The following EFCAB5 variants were observed in gnomAD, a reference collection of about 807,000 sequenced individuals.
The protein encoded by EFCAB5 is EF-hand calcium-binding domain-containing protein 5.
Under a neutral mutation model 167.9 loss-of-function variants are expected in EFCAB5, and 131 were observed. The observed-to-expected ratio is 0.78, with a 90% CI of 0.68 to 0.90. EFCAB5 has a LOEUF of 0.90. EFCAB5 is among the 40% of genes least tolerant of loss of function. The probability of loss-of-function intolerance (pLI) is 0.00; values close to 1 mark genes in which losing one functional copy is unlikely to be tolerated. For missense variants in EFCAB5, 1,663 were observed against 1,745.2 expected, an observed-to-expected ratio of 0.95 and a Z score of 0.84; for synonymous variants, 574 against 602.8, an observed-to-expected ratio of 0.95 and a Z score of 0.70.
chr17:30,025,120 A>G (rs2069283019), intron 7 of EFCAB5, among the ~76,000 whole-genome samples: 1 of 152,136 alleles, frequency 6.6e-6, no homozygotes, highest in Admixed American at 6.5e-5. Context: ...GGACATAGGC[A>G]TGGGCAAGGA....
In EFCAB5 at chr17:29,970,637, G is replaced by GACACACACACACACACAC. The variant is rs34545008; in HGVS notation, c.767+1284_767+1301dup. On this transcript the variant is annotated intron_variant, in intron 4 of 22. Coordinates refer to ENST00000394835, the MANE Select transcript of EFCAB5 (RefSeq NM_198529.4). ...AGAGCGAGATCCAGTCTCAAAAACA[G>GACACACACACACACACAC]ACACACACACACACACACACACACA... 8.4e-4 allele frequency among the ~76,000 whole-genome samples: 117 copies of GACACACACACACACACAC among 138,730 alleles called. 1 individual carries two copies. Among genetic ancestry groups the GACACACACACACACACAC allele is most frequent in the Admixed American group, 8.7e-4 (12 of 13,830 alleles). 91.0% of individuals were successfully genotyped at this position (138,730 alleles called of 152,430 possible).
At chr17:30,015,132 A>C (rs2069002448) in intron 7 of EFCAB5, among the ~76,000 whole-genome samples, 1 of 151,854 alleles carries the variant, frequency 6.6e-6, no homozygotes, top group East Asian at 1.9e-4. Context: ...TGGCCCCCAC[A>C]CTCTTCTGGC....
chr17:30,107,864 G>A lies in EFCAB5; in HGVS notation c.4352G>A (p.Gly1451Asp), dbSNP rs1378664655. 1.3e-6 allele frequency: 2 copies of A among 1,577,222 alleles called. No homozygotes were observed. Among genetic ancestry groups the A allele is most frequent in the East Asian group, 2.4e-5 (1 of 42,460 alleles). The change falls in exon 23 of 23, where the codon GGT becomes GAT. Residue 1451 changes from glycine (G) to aspartate (D), a missense_variant. Gly to Asp is a moderately conservative substitution (Grantham distance 94, BLOSUM62 -1). Coordinates refer to ENST00000394835, the MANE Select transcript of EFCAB5 (RefSeq NM_198529.4). ...DHSRTEVWKFGNVVIEHLYHW... is the reference protein window; with the variant it reads ...DHSRTEVWKFDNVVIEHLYHW... ...TCCCGAACTGAAGTATGGAAATTTG[G>A]TAATGTTGTCATTGAACATCTATAC...
At chr17:29,953,461 A>G (rs1276222308) in intron 3 of EFCAB5, among the ~76,000 whole-genome samples, 1 of 152,180 alleles carries the variant, frequency 6.6e-6, no homozygotes, top group Non-Finnish European at 1.5e-5. Context: ...GATAGTGAGT[A>G]AGTCTTACAA....
At chr17:29,957,613 G>A (rs1332018536) in intron 3 of EFCAB5, among the ~76,000 whole-genome samples, 1 of 152,106 alleles carries the variant, frequency 6.6e-6, no homozygotes. Context: ...GTTTGTTGAG[G>A]ATAATGACTT....
intron 14 of EFCAB5, chr17:30,074,070 G>C (rs2070816182): frequency 6.5e-6 from 1 of 154,082 alleles, no homozygotes; most frequent in African/African-American, 2.4e-5. Flanking sequence ...TTTTTTTACA[G>C]AGTTTAAACT....
chr17:30,021,688 T>C (rs1298293428), intron 7 of EFCAB5, among the ~76,000 whole-genome samples: 2 of 152,056 alleles, frequency 1.3e-5, no homozygotes, highest in Admixed American at 1.3e-4. Flanking sequence ...AGAAAGTATT[T>C]CTTACATAGA....
At chr17:30,066,594 C>T (rs543977548) in intron 14 of EFCAB5, among the ~76,000 whole-genome samples, 48 of 151,982 alleles carry the variant, frequency 3.2e-4, no homozygotes, top group African/African-American at 1.1e-3. Flanking sequence ...AACGATCTAA[C>T]AATGCATCTC....
intron 7 of EFCAB5, among the ~76,000 whole-genome samples, chr17:30,013,293 G>A (rs373820819): frequency 2.0e-5 from 3 of 152,240 alleles, no homozygotes; most frequent in East Asian, 3.9e-4. Context: ...CCAGGCTTTG[G>A]TATCAGGATG....
chr17:30,008,270 CTA>C (rs2068816576), intron 7 of EFCAB5, among the ~76,000 whole-genome samples: 1 of 152,070 alleles, frequency 6.6e-6, no homozygotes, highest in Non-Finnish European at 1.5e-5. Flanking sequence ...GAGATCAAGA[CTA>C]TTTTTTATAT....
At position 30,075,616 on chromosome 17, in the gene EFCAB5, T is replaced by C. The variant is rs115964975; in HGVS notation, c.2738-2599T>C. ...GCATCCATCTCATACGGATACCCTG[T>C]TTGTACTGCTTGGAATCTGACACCC... On this transcript the variant is annotated intron_variant, in intron 14 of 22. Coordinates refer to ENST00000394835, the MANE Select transcript of EFCAB5 (RefSeq NM_198529.4). Among the ~76,000 whole-genome samples the C allele has an allele frequency of 7.3e-3, 1,117 of 152,294 alleles. 20 individuals carry two copies. Among genetic ancestry groups the C allele is most frequent in the African/African-American group, 0.026 (1,061 of 41,562 alleles).
intron 10 of EFCAB5, among the ~76,000 whole-genome samples, chr17:30,055,354 AAG>A (rs2151786113): frequency 6.6e-6 from 1 of 151,292 alleles, no homozygotes; most frequent in African/African-American, 2.4e-5. Flanking sequence ...GGAAGGAAGG[AAG>A]GAAGGAAGGA....
chr17:30,050,547 A>ATATG (rs1444607468), intron 8 of EFCAB5, among the ~76,000 whole-genome samples: 4 of 152,188 alleles, frequency 2.6e-5, no homozygotes, highest in Non-Finnish European at 5.9e-5. Flanking sequence ...CTCTGGCCTC[A>ATATG]GCCTCTGGAG....
intron 7 of EFCAB5, among the ~76,000 whole-genome samples, chr17:30,025,912 C>G (rs1231276218): frequency 6.6e-6 from 1 of 151,716 alleles, no homozygotes; most frequent in African/African-American, 2.4e-5. Flanking sequence ...AGTAAACTAT[C>G]GCAAGGACAA....
At chr17:30,043,122 A>G (rs2069820425) in intron 8 of EFCAB5, among the ~76,000 whole-genome samples, 1 of 152,114 alleles carries the variant, frequency 6.6e-6, no homozygotes, top group Non-Finnish European at 1.5e-5. Flanking sequence ...CATCTCTTAG[A>G]AAAAAAGCTA....
intron 8 of EFCAB5, among the ~76,000 whole-genome samples, chr17:30,039,881 A>C (rs76751077): frequency 1.3e-5 from 2 of 152,136 alleles, no homozygotes; most frequent in African/African-American, 4.8e-5. Context: ...CCTTTTCCCA[A>C]ATCTATGAAA....
chr17:29,990,493 T>C (rs976652690), intron 4 of EFCAB5, among the ~76,000 whole-genome samples: 3 of 152,178 alleles, frequency 2.0e-5, no homozygotes, highest in African/African-American at 7.2e-5. Flanking sequence ...AATTTCCCCA[T>C]TGTAATCTGA....
chr17:29,958,889 T>C (rs1005776298), intron 3 of EFCAB5, among the ~76,000 whole-genome samples: 1 of 152,178 alleles, frequency 6.6e-6, no homozygotes, highest in Non-Finnish European at 1.5e-5. Context: ...TGAAGCCTTG[T>C]AGAGGTACTG....
At chr17:30,086,966 A>C in intron 18 of EFCAB5, 97 bp from the exon 19 acceptor site, 1 of 1,019,154 alleles carries the variant, frequency 9.8e-7, no homozygotes, top group Non-Finnish European at 1.4e-6. Flanking sequence ...GAGGTCATCT[A>C]AGCTTTCCTA....
Sources: gnomAD v4.1 joint callset for allele counts (sites outside exome capture counted in the v4.1 genomes callset) on GRCh38, gnomAD v4.1.1 for gene constraint, MANE v1.5 for transcripts, NCBI Gene and HGNC (gene_info 2026-07-23, HGNC 2026-07-21) for gene names.